GNG12: variants seen among roughly 807,000 people sequenced by gnomAD.
GNG12 encodes the protein G protein subunit gamma 12.
For missense variants in GNG12, 69 were observed against 83.8 expected, an observed-to-expected ratio of 0.82 and a Z score of 0.69; for synonymous variants, 28 against 29.7, an observed-to-expected ratio of 0.94 and a Z score of 0.19.
intron 1 of GNG12, among the ~76,000 whole-genome samples, chr1:67,826,524 C>T (rs1278916566): frequency 6.6e-6 from 1 of 152,210 alleles, no homozygotes; most frequent in Non-Finnish European, 1.5e-5. Context: ...CCAATCATGA[C>T]CTTATATACC....
At chr1:67,713,725 C>T (rs899581896) in intron 2 of GNG12, among the ~76,000 whole-genome samples, 1 of 152,188 alleles carries the variant, frequency 6.6e-6, no homozygotes, top group Non-Finnish European at 1.5e-5. Context: ...CAATGTCTTT[C>T]TCTAGCTCTT....
At chr1:67,780,228 A>G (rs550673539) in intron 1 of GNG12, among the ~76,000 whole-genome samples, 2 of 152,244 alleles carry the variant, frequency 1.3e-5, no homozygotes, top group South Asian at 4.1e-4. Flanking sequence ...TCATTATTCC[A>G]TTTAGTAGGA....
At chr1:67,820,445 C>T (rs1646978734) in intron 1 of GNG12, among the ~76,000 whole-genome samples, 1 of 152,122 alleles carries the variant, frequency 6.6e-6, no homozygotes, top group African/African-American at 2.4e-5. Context: ...AGAGACAGGG[C>T]CTTTGTCCAC....
intron 2 of GNG12, among the ~76,000 whole-genome samples, chr1:67,759,550 C>T (rs1414757053): frequency 2.0e-5 from 3 of 152,144 alleles, no homozygotes; most frequent in African/African-American, 7.2e-5. Flanking sequence ...TCCTCATCTA[C>T]AAAATGGACA....
chr1:67,789,501 C>G (rs922186142), intron 1 of GNG12, among the ~76,000 whole-genome samples: 13 of 152,058 alleles, frequency 8.5e-5, no homozygotes, highest in Non-Finnish European at 1.3e-4. Context: ...TCTAAAAGTT[C>G]CGGTTTTATT....
intron 1 of GNG12, among the ~76,000 whole-genome samples, chr1:67,827,292 T>A (rs569862262): frequency 1.3e-4 from 20 of 152,262 alleles, no homozygotes; most frequent in African/African-American, 4.3e-4. Context: ...GGGCCCAAAG[T>A]CACCCACTTA....
chr1:67,807,880 C>A (rs1646902226), intron 1 of GNG12, among the ~76,000 whole-genome samples: 1 of 152,046 alleles, frequency 6.6e-6, no homozygotes, highest in African/African-American at 2.4e-5. Flanking sequence ...TTCTTCTAAA[C>A]ACTTAAGGAT....
chr1:67,832,144 TG>T (rs1647050408), intron 1 of GNG12, among the ~76,000 whole-genome samples: 1 of 152,200 alleles, frequency 6.6e-6, no homozygotes, highest in Admixed American at 6.5e-5. Flanking sequence ...AGGAAGTAAC[TG>T]ATGGGAAGGA....
rs2100658265 is a variant in GNG12, at chr1:67,702,378, T to C, written c.*3073A>G. The C allele has an allele frequency of 6.6e-6, 1 of 152,326 alleles. No individual in the cohort carries two copies. Among genetic ancestry groups the C allele is most frequent in the South Asian group, 2.1e-4 (1 of 4,826 alleles). The allele number at this position is 152,326 out of a possible 1,614,324, so 9.4% of individuals were successfully genotyped here. A position where few individuals can be genotyped will look rare whatever the true frequency, so the allele number is the denominator to read the frequency against. ...TTAGTTATAAATTGAGAAGGTGGCA[T>C]TTGAAGAGAATATTTGGCACATCCT... On this transcript the variant is annotated 3_prime_UTR_variant, in exon 4 of 4. Transcript: ENST00000370982.
intron 2 of GNG12, among the ~76,000 whole-genome samples, chr1:67,756,528 TC>T (rs1300212936): frequency 6.6e-6 from 1 of 152,184 alleles, no homozygotes; most frequent in Non-Finnish European, 1.5e-5. Flanking sequence ...GACACCAGTT[TC>T]CCATCTTCTG....
chr1:67,798,636 T>C (rs914295835), intron 1 of GNG12, among the ~76,000 whole-genome samples: 6 of 151,938 alleles, frequency 3.9e-5, no homozygotes, highest in African/African-American at 1.5e-4. Context: ...AGGAAGACCT[T>C]TATGATGATC....
intron 2 of GNG12, among the ~76,000 whole-genome samples, chr1:67,724,816 C>T (rs1258636712): frequency 1.3e-5 from 2 of 152,164 alleles, no homozygotes; most frequent in East Asian, 1.9e-4. Flanking sequence ...TTAACTGCTG[C>T]AGCCAGGTCA....
At chr1:67,814,811 A>C (rs932367441) in intron 1 of GNG12, among the ~76,000 whole-genome samples, 1 of 152,208 alleles carries the variant, frequency 6.6e-6, no homozygotes, top group African/African-American at 2.4e-5. Context: ...ACAGGTTTCA[A>C]TTCTGGCTCT....
intron 2 of GNG12, among the ~76,000 whole-genome samples, chr1:67,713,425 A>G (rs1276126418): frequency 1.3e-5 from 2 of 152,176 alleles, no homozygotes; most frequent in African/African-American, 2.4e-5. Flanking sequence ...TAGGAACATG[A>G]TGGTCCATTA....
At chr1:67,805,508 CAG>C (rs1247464178) in intron 1 of GNG12, among the ~76,000 whole-genome samples, 1 of 151,988 alleles carries the variant, frequency 6.6e-6, no homozygotes, top group African/African-American at 2.4e-5. Flanking sequence ...TTTTAAAAGA[CAG>C]AAATAAAGAA....
intron 2 of GNG12, among the ~76,000 whole-genome samples, chr1:67,750,065 C>T (rs1462195815): frequency 6.6e-6 from 1 of 152,230 alleles, no homozygotes; most frequent in African/African-American, 2.4e-5. Context: ...ACTGCCCAGC[C>T]TGCCAACAAC....
chr1:67,738,338 T>C (rs1022618756), intron 2 of GNG12, among the ~76,000 whole-genome samples: 1 of 152,204 alleles, frequency 6.6e-6, no homozygotes, highest in Non-Finnish European at 1.5e-5. Context: ...ACAATCACTG[T>C]GCAACAATAG....
chr1:67,826,158 T>C (rs1647009297), intron 1 of GNG12, among the ~76,000 whole-genome samples: 1 of 152,198 alleles, frequency 6.6e-6, no homozygotes, highest in South Asian at 2.1e-4. Context: ...GCTGATGGCA[T>C]CTAGAGGACT....
rs566825739 is a variant in GNG12, at chr1:67,749,229, C to T, written c.-27+28229G>A. ...TCGCATCCTGCCTTTGTCATTTGCT[C>T]GTAGTGAGACTATGGATAGGTCGCT... On this transcript the variant is annotated intron_variant, in intron 2 of 3. Coordinates refer to ENST00000370982, the MANE Select transcript of GNG12 (RefSeq NM_018841.6). Among the ~76,000 whole-genome samples, 7 of 152,280 alleles carry T rather than the reference C, an allele frequency of 4.6e-5. No homozygotes were observed. In the East Asian group the frequency reaches 9.6e-4, roughly 21 times the overall value.
Sources: allele counts gnomAD v4.1 joint callset (sites outside exome capture counted in the v4.1 genomes callset), GRCh38; gene constraint gnomAD v4.1.1; transcripts MANE v1.5; gene names NCBI Gene and HGNC (gene_info 2026-07-23, HGNC 2026-07-21).